The following LYAR variants were observed in gnomAD, a reference collection of about 807,000 sequenced individuals.
LYAR encodes cell growth-regulating nucleolar protein.
In LYAR, 37 loss-of-function variants were observed where a neutral mutation model predicts 45.2. That is an observed-to-expected ratio of 0.82 (90% CI 0.63 to 1.08). LYAR has a LOEUF of 1.08. Ranked by LOEUF, LYAR falls within the 50% of genes least tolerant of loss-of-function variation. The probability of loss-of-function intolerance (pLI) is 0.00; values close to 1 mark genes in which losing one functional copy is unlikely to be tolerated. For synonymous variants in LYAR, 176 were observed against 155.1 expected, an observed-to-expected ratio of 1.14 and a Z score of -1.00; for missense variants, 493 against 451.0, an observed-to-expected ratio of 1.09 and a Z score of -0.84.
At chr4:4,272,923 T>A (rs573999494) in intron 8 of LYAR, among the ~76,000 whole-genome samples, 254 of 152,158 alleles carry the variant, frequency 1.7e-3, no homozygotes, top group African/African-American at 6.0e-3. Context: ...CCGACAGGTA[T>A]GAGTGCTTCA....
rs147117819 is a variant in LYAR, at chr4:4,274,505, C to A, written c.694G>T (p.Glu232Ter). 4.3e-6 allele frequency: 7 copies of A among 1,614,224 alleles called. No homozygotes were observed. Among genetic ancestry groups the A allele is most frequent in the Non-Finnish European group, 5.9e-6 (7 of 1,180,036 alleles). The change falls in exon 7 of 10, where the codon GAG becomes TAG. Residue 232 changes from glutamate (E) to a stop codon, truncating the protein, a stop_gained. Transcript: ENST00000343470. LOFTEE classifies it high-confidence loss of function. ...TCAGGGACTTCCTCCCCACCAGCCT[C>A]AAGGTCAGCCTCCTGTCCCTTTTTG... ...KRKKGQEADL[E>*]AGGEEVPEAN...
Position 4,288,495 on chromosome 4 carries a change from T to C in LYAR, c.-108+1541A>G, listed in dbSNP as rs935382282. Among the ~76,000 whole-genome samples the C allele has an allele frequency of 1.0e-3, 150 of 149,728 alleles. 1 individual carries two copies. The highest frequency in any genetic ancestry group is 3.2e-3 in the African/African-American group (132 of 40,874). On this transcript the variant is annotated intron_variant, in intron 1 of 9. Coordinates refer to ENST00000343470, the MANE Select transcript of LYAR (RefSeq NM_017816.3). ...TTATTCAATTTTTTTTCTTTTTTTT[T>C]TTTTTTTTGAGACGGAGTCTCATTC...
chr4:4,274,007 G>A (rs560447728), intron 7 of LYAR, among the ~76,000 whole-genome samples: 1 of 152,204 alleles, frequency 6.6e-6, no homozygotes, highest in Admixed American at 6.5e-5. Flanking sequence ...GAGGCCGAGG[G>A]GGGCGGATCA....
chr4:4,276,560 A>T, intron 6 of LYAR, among the ~76,000 whole-genome samples: 1 of 150,180 alleles, frequency 6.7e-6, no homozygotes, highest in Non-Finnish European at 1.5e-5. Flanking sequence ...AAAAAAAAAG[A>T]AAACGGATAC....
intron 6 of LYAR, 63 bp from the exon 7 acceptor site, chr4:4,274,832 G>A (rs574697957): frequency 1.0e-5 from 15 of 1,456,678 alleles, no homozygotes; most frequent in African/African-American, 5.7e-5. Flanking sequence ...GAGTTGTCAC[G>A]TTATTGCCTG....
intron 8 of LYAR, among the ~76,000 whole-genome samples, chr4:4,269,610 G>A (rs753873356): frequency 1.3e-5 from 2 of 152,130 alleles, no homozygotes; most frequent in Non-Finnish European, 2.9e-5. Flanking sequence ...GCTGAGTAGA[G>A]AGCCTGGACT....
chr4:4,282,017 C>G, intron 3 of LYAR, 120 bp from the exon 4 acceptor site: 1 of 637,166 alleles, frequency 1.6e-6, no homozygotes, highest in Non-Finnish European at 2.8e-6. Context: ...GTCTATCACA[C>G]AAGCACCCCA....
chr4:4,289,160 C>T (rs1719750257), intron 1 of LYAR, among the ~76,000 whole-genome samples: 1 of 152,182 alleles, frequency 6.6e-6, no homozygotes, highest in Non-Finnish European at 1.5e-5. Context: ...TCCCTTGTTC[C>T]TTGCAAAAGC....
chr4:4,271,968 G>A (rs975632729), intron 8 of LYAR, among the ~76,000 whole-genome samples: 4 of 152,042 alleles, frequency 2.6e-5, no homozygotes, highest in African/African-American at 9.7e-5. Context: ...AACGCTGAGC[G>A]AAGAGTCAGT....
At chr4:4,282,260 T>C (rs1719423516) in intron 3 of LYAR, among the ~76,000 whole-genome samples, 1 of 152,192 alleles carries the variant, frequency 6.6e-6, no homozygotes, top group African/African-American at 2.4e-5. Context: ...CAATGTCTAA[T>C]AGACAGTCAA....
intron 1 of LYAR, among the ~76,000 whole-genome samples, chr4:4,289,337 G>A (rs772539295): frequency 1.1e-4 from 17 of 152,130 alleles, no homozygotes; most frequent in Non-Finnish European, 2.2e-4. Flanking sequence ...TAGACCCTGG[G>A]AGCCTCGGGC....
chr4:4,268,367 C>G (rs1718795275), intron 9 of LYAR, among the ~76,000 whole-genome samples, 163 bp downstream of exon 9: 2 of 152,116 alleles, frequency 1.3e-5, no homozygotes, highest in South Asian at 4.2e-4. Context: ...TAGGCACCAC[C>G]CTGGCTGAGG....
At chr4:4,280,118 T>C (rs1719338340) in intron 4 of LYAR, among the ~76,000 whole-genome samples, 1 of 152,184 alleles carries the variant, frequency 6.6e-6, no homozygotes, top group African/African-American at 2.4e-5. Flanking sequence ...AAAAATCAAG[T>C]TGCATTTTAT....
intron 2 of LYAR, among the ~76,000 whole-genome samples, chr4:4,285,464 T>C (rs1318919124): frequency 2.0e-5 from 3 of 152,162 alleles, no homozygotes; most frequent in Non-Finnish European, 4.4e-5. Context: ...CAAGAGCAGC[T>C]ATCCTGCCTG....
chr4:4,274,807 T>C (rs759661829), intron 6 of LYAR, 38 bp from the exon 7 acceptor site: 2 of 1,546,038 alleles, frequency 1.3e-6, no homozygotes, highest in Admixed American at 4.2e-5. Context: ...CATATTCATT[T>C]TAAATGTGTA....
chr4:4,287,213 T>C (rs945171012), intron 1 of LYAR, among the ~76,000 whole-genome samples: 1 of 152,178 alleles, frequency 6.6e-6, no homozygotes, highest in Non-Finnish European at 1.5e-5. Flanking sequence ...AGATTCTACA[T>C]GCTTTCCTTC....
intron 6 of LYAR, among the ~76,000 whole-genome samples, chr4:4,277,510 T>C (rs776798565): frequency 1.3e-5 from 2 of 152,204 alleles, no homozygotes; most frequent in Non-Finnish European, 2.9e-5. Context: ...AGCTGCTCAA[T>C]AAATAGGTGA....
chr4:4,275,324 C>T (rs1428232188), intron 6 of LYAR, among the ~76,000 whole-genome samples: 1 of 152,142 alleles, frequency 6.6e-6, no homozygotes, highest in Non-Finnish European at 1.5e-5. Flanking sequence ...ATAAACCAGC[C>T]CATTGTGTGT....
intron 4 of LYAR, among the ~76,000 whole-genome samples, chr4:4,280,528 T>C (rs891763315): frequency 9.9e-5 from 15 of 152,216 alleles, no homozygotes; most frequent in African/African-American, 2.9e-4. Flanking sequence ...TCAAAACTTA[T>C]TACAAAGCTG....
Sources: gnomAD v4.1 joint callset for allele counts (sites outside exome capture counted in the v4.1 genomes callset) on GRCh38, gnomAD v4.1.1 for gene constraint, MANE v1.5 for transcripts, NCBI Gene and HGNC (gene_info 2026-07-23, HGNC 2026-07-21) for gene names.